The following ARFGEF3 variants were observed in gnomAD, a reference collection of about 807,000 sequenced individuals.
ARFGEF3 encodes ARFGEF family member 3, also known as brefeldin A-inhibited guanine nucleotide-exchange protein 3.
ARFGEF3 carries 96 observed loss-of-function variants against 221.7 expected under a neutral mutation model. The observed-to-expected ratio is 0.43, with a 90% CI of 0.37 to 0.51. The LOEUF (loss-of-function observed/expected upper bound fraction) is 0.51. Among genes scored for constraint, ARFGEF3 ranks in the 20% least tolerant of loss-of-function variants. The pLI, the probability that ARFGEF3 is intolerant of heterozygous loss-of-function variation, is 0.00. For missense variants in ARFGEF3, 2,410 were observed against 2,789.9 expected, an observed-to-expected ratio of 0.86 and a Z score of 3.07; for synonymous variants, 1,145 against 1,126.8, an observed-to-expected ratio of 1.02 and a Z score of -0.32.
At chr6:138,252,884 A>G (rs1307425920) in intron 8 of ARFGEF3, among the ~76,000 whole-genome samples, 1 of 152,164 alleles carries the variant, frequency 6.6e-6, no homozygotes, top group Admixed American at 6.5e-5. Flanking sequence ...CTGGATTTTA[A>G]TACTTTCTGG....
intron 8 of ARFGEF3, among the ~76,000 whole-genome samples, chr6:138,248,987 A>G (rs1778534369): frequency 6.6e-6 from 1 of 152,182 alleles, no homozygotes; most frequent in Non-Finnish European, 1.5e-5. Flanking sequence ...GTTCAAGTTC[A>G]TGGTTCTTTA....
chr6:138,280,666 C>T (rs1030995699), intron 14 of ARFGEF3, among the ~76,000 whole-genome samples: 1 of 152,210 alleles, frequency 6.6e-6, no homozygotes, highest in African/African-American at 2.4e-5. Context: ...GCCTGGCCAA[C>T]ATGGCAAAAC....
intron 6 of ARFGEF3, among the ~76,000 whole-genome samples, chr6:138,240,868 C>A (rs375135395): frequency 6.6e-6 from 1 of 152,086 alleles, no homozygotes; most frequent in African/African-American, 2.4e-5. Flanking sequence ...AAAGAGGCCA[C>A]GTATTCCCCT....
chr6:138,281,876 A>C (rs1287182572), intron 14 of ARFGEF3, among the ~76,000 whole-genome samples: 6 of 152,168 alleles, frequency 3.9e-5, no homozygotes, highest in Admixed American at 6.5e-5. Flanking sequence ...CGCTTGCCTT[A>C]GTAAGTTAGA....
intron 32 of ARFGEF3, among the ~76,000 whole-genome samples, chr6:138,329,641 G>T (rs1407650167): frequency 6.6e-6 from 1 of 152,188 alleles, no homozygotes; most frequent in African/African-American, 2.4e-5. Flanking sequence ...TCCAGCCTGG[G>T]TGATAGAGTG....
intron 10 of ARFGEF3, among the ~76,000 whole-genome samples, chr6:138,258,272 G>A (rs981036614): frequency 6.6e-6 from 1 of 152,128 alleles, no homozygotes; most frequent in Admixed American, 6.5e-5. Flanking sequence ...ATTCCTGTGG[G>A]TCACTCCCCC....
At chr6:138,201,102 A>G (rs995598593) in intron 2 of ARFGEF3, among the ~76,000 whole-genome samples, 1 of 152,220 alleles carries the variant, frequency 6.6e-6, no homozygotes, top group African/African-American at 2.4e-5. Flanking sequence ...GGAAATGCAA[A>G]TCAAAACCAC....
chr6:138,245,067 C>T (rs1352785156), intron 7 of ARFGEF3, among the ~76,000 whole-genome samples: 6 of 152,092 alleles, frequency 3.9e-5, no homozygotes, highest in African/African-American at 1.4e-4. Context: ...TTTGGGAGGC[C>T]GAGGTGGGTG....
At chr6:138,238,668 G>A (rs376826873) in intron 6 of ARFGEF3, 37 bp downstream of exon 6, 109 of 1,605,574 alleles carry the variant, frequency 6.8e-5, no homozygotes, top group Admixed American at 6.7e-5. Flanking sequence ...TCACCTTCCT[G>A]GTGGTGTCTG....
At chr6:138,214,006 G>T (rs1777785772) in intron 4 of ARFGEF3, among the ~76,000 whole-genome samples, 1 of 152,184 alleles carries the variant, frequency 6.6e-6, no homozygotes, top group South Asian at 2.1e-4. Flanking sequence ...TTGGTTCACA[G>T]TGTAGACTTT....
intron 4 of ARFGEF3, among the ~76,000 whole-genome samples, chr6:138,227,777 A>G (rs1778112128): frequency 6.6e-6 from 1 of 152,234 alleles, no homozygotes; most frequent in African/African-American, 2.4e-5. Flanking sequence ...GTCATTTATG[A>G]GACTGATGTC....
chr6:138,200,429 A>G (rs577888969), intron 2 of ARFGEF3, among the ~76,000 whole-genome samples: 2 of 152,226 alleles, frequency 1.3e-5, no homozygotes, highest in Non-Finnish European at 2.9e-5. Flanking sequence ...AAACTATACT[A>G]TAAGGCCATA....
intron 10 of ARFGEF3, among the ~76,000 whole-genome samples, chr6:138,256,698 C>CT (rs1385574976): frequency 6.6e-6 from 1 of 152,106 alleles, no homozygotes; most frequent in African/African-American, 2.4e-5. Flanking sequence ...AATTACCATT[C>CT]TTTTTCTTGC....
At chr6:138,299,640 C>T (rs922441390) in intron 22 of ARFGEF3, among the ~76,000 whole-genome samples, 1 of 152,212 alleles carries the variant, frequency 6.6e-6, no homozygotes, top group African/African-American at 2.4e-5. Flanking sequence ...GTAAGCGGAG[C>T]CCTTAGGCTG....
At chr6:138,238,150 A>C (rs1167891599) in intron 5 of ARFGEF3, among the ~76,000 whole-genome samples, 1 of 152,116 alleles carries the variant, frequency 6.6e-6, no homozygotes, top group Non-Finnish European at 1.5e-5. Flanking sequence ...GGAGTTAATA[A>C]ATTCTGTTCT....
At position 138,210,001 on chromosome 6, in the gene ARFGEF3, C is replaced by T. The variant is rs1445802336; in HGVS notation, c.311C>T (p.Thr104Met). 6 of 1,613,832 alleles carry T rather than the reference C, an allele frequency of 3.7e-6. No homozygotes were observed. The highest frequency in any genetic ancestry group is 1.1e-5 in the South Asian group (1 of 91,062). The change falls in exon 4 of 34, where the codon ACG becomes ATG. Residue 104 changes from threonine to methionine, a missense_variant. Coordinates refer to ENST00000251691, the MANE Select transcript of ARFGEF3 (RefSeq NM_020340.5). The stretch of plus-strand genomic sequence containing the variant: ...CAGATACTGAATGCCGTGAAAGTGA[C>T]GCCTTCGCTCAACGAGGACCTGCAG... ...LNQILNAVKV[T>M]PSLNEDLQVE... is the part of the protein sequence containing the mutation.
intron 32 of ARFGEF3, among the ~76,000 whole-genome samples, chr6:138,330,848 T>C (rs1174384366): frequency 6.6e-6 from 1 of 152,140 alleles, no homozygotes; most frequent in Non-Finnish European, 1.5e-5. Context: ...TGTGAACCTG[T>C]CACCCAACTT....
intron 1 of ARFGEF3, among the ~76,000 whole-genome samples, chr6:138,170,121 C>T (rs1322578571): frequency 6.6e-6 from 1 of 152,156 alleles, no homozygotes; most frequent in East Asian, 1.9e-4. Flanking sequence ...ATTGAACATC[C>T]AGGTTGGATT....
chr6:138,176,920 A>G (rs1025032804), intron 2 of ARFGEF3, among the ~76,000 whole-genome samples: 23 of 151,852 alleles, frequency 1.5e-4, no homozygotes, highest in African/African-American at 5.3e-4. Flanking sequence ...TTTGTTTTTC[A>G]GCATTTTGAA....
Sources: allele counts gnomAD v4.1 joint callset (sites outside exome capture counted in the v4.1 genomes callset), GRCh38; gene constraint gnomAD v4.1.1; transcripts MANE v1.5; gene names NCBI Gene and HGNC (gene_info 2026-07-23, HGNC 2026-07-21).